The following FBN2 variants were observed in gnomAD, a reference collection of about 807,000 sequenced individuals.
The protein encoded by FBN2 is fibrillin 2, also known as fibrillin-2.
FBN2 carries 105 observed loss-of-function variants against 355.6 expected under a neutral mutation model. That is an observed-to-expected ratio of 0.30 (90% CI 0.25 to 0.35). The LOEUF (loss-of-function observed/expected upper bound fraction) is 0.35. Ranked by LOEUF, FBN2 falls within the 10% of genes least tolerant of loss-of-function variation. The pLI, the probability that FBN2 is intolerant of heterozygous loss-of-function variation, is 1.00. For synonymous variants in FBN2, 1,350 were observed against 1,301.2 expected, an observed-to-expected ratio of 1.04 and a Z score of -0.81; for missense variants, 3,280 against 3,758.7, an observed-to-expected ratio of 0.87 and a Z score of 3.33.
At chr5:128,480,322 C>G (rs769940436) in intron 5 of FBN2, among the ~76,000 whole-genome samples, 7 of 151,622 alleles carry the variant, frequency 4.6e-5, no homozygotes, top group Non-Finnish European at 8.8e-5. Flanking sequence ...GACATATGCA[C>G]TTAGCATACT....
chr5:128,348,006 T>C (rs557585185), intron 23 of FBN2, among the ~76,000 whole-genome samples: 23 of 152,262 alleles, frequency 1.5e-4, no homozygotes, highest in African/African-American at 5.5e-4. Context: ...AGGCTGGTCT[T>C]GAACTCCTGA....
intron 7 of FBN2, 24 bp downstream of exon 7, chr5:128,446,457 G>A (rs1554069977): frequency 6.2e-7 from 1 of 1,612,326 alleles, no homozygotes; most frequent in South Asian, 1.1e-5. Context: ...AATTAGGCAT[G>A]CTTCCCAAAG....
intron 7 of FBN2, among the ~76,000 whole-genome samples, chr5:128,410,519 G>A (rs1753035462): frequency 1.3e-5 from 2 of 152,172 alleles, no homozygotes; most frequent in South Asian, 4.1e-4. Flanking sequence ...TGCTTATGAA[G>A]CCCAGGATTT....
chr5:128,289,870 A>G lies in FBN2; in HGVS notation c.6511+12T>C. ...AAATAAGAATATAGGAATAAAATATATCAAAGCGTACCTTCACGTGTATCA... is the reference window on the plus strand; with the variant it reads ...AAATAAGAATATAGGAATAAAATATGTCAAAGCGTACCTTCACGTGTATCA... On this transcript the variant is annotated intron_variant, in intron 51 of 64. Transcript: ENST00000262464. The G allele has an allele frequency of 1.3e-6, 2 of 1,507,982 alleles. No homozygotes were observed. Among genetic ancestry groups the G allele is most frequent in the Non-Finnish European group, 1.8e-6 (2 of 1,084,178 alleles). The allele number at this position is 1,507,982 out of a possible 1,614,324, so 93.4% of individuals were successfully genotyped here.
At chr5:128,526,870 T>A (rs1453992449) in intron 4 of FBN2, among the ~76,000 whole-genome samples, 1 of 152,172 alleles carries the variant, frequency 6.6e-6, no homozygotes, top group Non-Finnish European at 1.5e-5. Context: ...TAAAAGTGGC[T>A]AAAATGGTAA....
chr5:128,345,643 C>T, intron 23 of FBN2, 59 bp from the exon 24 acceptor site: 1 of 1,469,806 alleles, frequency 6.8e-7, no homozygotes, highest in African/African-American at 1.4e-5. Flanking sequence ...TGAACAGTCA[C>T]ATGTCAAGCG....
intron 48 of FBN2, among the ~76,000 whole-genome samples, chr5:128,297,209 G>A (rs1407534536): frequency 6.6e-6 from 1 of 152,124 alleles, no homozygotes; most frequent in Non-Finnish European, 1.5e-5. Flanking sequence ...GAGATAGTTT[G>A]TTATAATTTC....
intron 62 of FBN2, among the ~76,000 whole-genome samples, chr5:128,266,833 T>C (rs944579575): frequency 1.2e-4 from 18 of 150,906 alleles, no homozygotes; most frequent in South Asian, 8.3e-4. Context: ...TTTATATTAT[T>C]ATTATATTTA....
intron 25 of FBN2, among the ~76,000 whole-genome samples, chr5:128,343,342 AG>A (rs1162722879): frequency 1.3e-5 from 2 of 152,194 alleles, no homozygotes; most frequent in Admixed American, 1.3e-4. Context: ...GAAGCTCTGG[AG>A]ACTGGCACAG....
At chr5:128,383,819 T>C (rs1014370016) in intron 11 of FBN2, among the ~76,000 whole-genome samples, 1 of 152,086 alleles carries the variant, frequency 6.6e-6, no homozygotes, top group Non-Finnish European at 1.5e-5. Context: ...AAGTGCTGGC[T>C]TGGTTATGGA....
At chr5:128,443,373 G>C (rs775667783) in intron 7 of FBN2, among the ~76,000 whole-genome samples, 3 of 152,146 alleles carry the variant, frequency 2.0e-5, no homozygotes, top group Admixed American at 1.3e-4. Context: ...TTCAGCCCAA[G>C]TCAAATAAAC....
At position 128,272,029 on chromosome 5, in the gene FBN2, T is replaced by C. The variant is rs1401471504; in HGVS notation, c.7930A>G (p.Ile2644Val). The C allele has an allele frequency of 1.2e-6, 2 of 1,613,974 alleles. No individual in the cohort carries two copies. Among genetic ancestry groups the C allele is most frequent in the African/African-American group, 1.3e-5 (1 of 74,912 alleles). The change falls in exon 62 of 65, where the codon ATC (isoleucine) becomes GTC (valine). Residue 2644 changes from isoleucine (I) to valine (V), a missense_variant. Physicochemically the swap from Ile to Val is conservative, Grantham distance 29. Coordinates refer to ENST00000262464, the MANE Select transcript of FBN2 (RefSeq NM_001999.4). ...GYRCGCPQGYIQHYQWNQCVD... is the reference protein window; with the variant it reads ...GYRCGCPQGYVQHYQWNQCVD... ...CACTGATTCCACTGGTAGTGCTGGA[T>C]GTAGCCTTGGGGGCAGCCACATCTG...
intron 31 of FBN2, 72 bp from the exon 32 acceptor site, chr5:128,333,106 G>T: frequency 7.4e-7 from 1 of 1,343,426 alleles, no homozygotes; most frequent in Non-Finnish European, 1.1e-6. Flanking sequence ...GTATATTTTT[G>T]TATAGGTAAC....
At chr5:128,330,926 AT>A (rs1750675690) in intron 32 of FBN2, among the ~76,000 whole-genome samples, 1 of 152,172 alleles carries the variant, frequency 6.6e-6, no homozygotes, top group African/African-American at 2.4e-5. Flanking sequence ...GTCAACGTGA[AT>A]TTTTTAACAG....
At chr5:128,517,561 G>T (rs941534179) in intron 5 of FBN2, among the ~76,000 whole-genome samples, 1 of 152,022 alleles carries the variant, frequency 6.6e-6, no homozygotes, top group Admixed American at 6.6e-5. Context: ...TCAGTCCCAA[G>T]AAATCTCAAT....
intron 7 of FBN2, among the ~76,000 whole-genome samples, chr5:128,433,333 T>C (rs1296783226): frequency 6.6e-6 from 1 of 152,198 alleles, no homozygotes; most frequent in Admixed American, 6.5e-5. Context: ...GAAGTTAGAC[T>C]GCAGTACTAA....
rs1194404343 is a variant in FBN2 at position 128,537,457 on chromosome 5, G to A, written c.147C>T (p.Ser49=). ...ACCCGCCTTCAGAGCCTGCTGTAGC[G>A]GACCGAACCTGTTGCGGCGGCGGCT... is the stretch of plus-strand genomic sequence containing the variant. ...RPQPPPQQVR[S]ATAGSEGGFL... is the part of the protein sequence containing the mutation. The change falls in exon 1 of 65, where the codon TCC becomes TCT. Residue 49 remains serine, a synonymous_variant. Transcript: ENST00000262464. The A allele has an allele frequency of 6.2e-7, 1 of 1,606,744 alleles. No homozygotes were observed. The highest frequency in any genetic ancestry group is 8.5e-7 in the Non-Finnish European group (1 of 1,177,890).
intron 23 of FBN2, among the ~76,000 whole-genome samples, chr5:128,346,676 T>C (rs1423769394): frequency 1.3e-5 from 2 of 152,220 alleles, no homozygotes; most frequent in East Asian, 3.9e-4. Context: ...TGGTGGCTCA[T>C]GCTTATAATT....
intron 58 of FBN2, among the ~76,000 whole-genome samples, chr5:128,276,865 C>A (rs1445688866): frequency 1.3e-5 from 2 of 152,154 alleles, no homozygotes; most frequent in East Asian, 3.9e-4. Flanking sequence ...CACAGCACTA[C>A]GCCTCCTGGC....
Sources: allele counts gnomAD v4.1 joint callset (sites outside exome capture counted in the v4.1 genomes callset), GRCh38; gene constraint gnomAD v4.1.1; transcripts MANE v1.5; gene names NCBI Gene and HGNC (gene_info 2026-07-23, HGNC 2026-07-21).